Variants in GPRC5B observed in about 807,000 individuals in gnomAD.
GPRC5B encodes the protein G protein-coupled receptor class C group 5 member B.
GPRC5B carries 16 observed loss-of-function variants against 30.1 expected under a neutral mutation model. That is an observed-to-expected ratio of 0.53 (90% CI 0.36 to 0.81). GPRC5B has a LOEUF of 0.81. Ranked by LOEUF, GPRC5B falls within the 30% of genes least tolerant of loss-of-function variation. The probability of loss-of-function intolerance (pLI) is 0.01; values close to 1 mark genes in which losing one functional copy is unlikely to be tolerated. For synonymous variants in GPRC5B, 241 were observed against 239.5 expected, an observed-to-expected ratio of 1.01 and a Z score of -0.06; for missense variants, 428 against 544.7, an observed-to-expected ratio of 0.79 and a Z score of 2.13.
chr16:19,865,414 G>A (rs934288951), intron 2 of GPRC5B, among the ~76,000 whole-genome samples: 4 of 152,100 alleles, frequency 2.6e-5, no homozygotes, highest in Non-Finnish European at 4.4e-5. Flanking sequence ...GCCATCAAAA[G>A]GTTCTTGAAA....
chr16:19,859,220 G>C lies in GPRC5B; in HGVS notation c.*1280C>G, dbSNP rs1455235971. The C allele has an allele frequency of 1.3e-5, 2 of 152,610 alleles. No individual in the cohort carries two copies. The highest frequency in any genetic ancestry group is 4.8e-5 in the African/African-American group (2 of 41,420). The allele number at this position is 152,610 out of a possible 1,614,324, so 9.5% of individuals were successfully genotyped here. ...TTGAATCGATGCTAGAGGTTATGCT[G>C]GCCAAACAGTGCAGAGAACATGGGG... On this transcript the variant is annotated 3_prime_UTR_variant, in exon 4 of 4. Transcript: ENST00000300571.
chr16:19,858,200 A>C lies in GPRC5B; in HGVS notation c.*2300T>G. 1 of 308,518 alleles carries C rather than the reference A, an allele frequency of 3.2e-6. No individual in the cohort carries two copies. Among genetic ancestry groups the C allele is most frequent in the Admixed American group, 5.0e-5 (1 of 19,932 alleles). The allele number at this position is 308,518 out of a possible 1,614,324, so 19.1% of individuals were successfully genotyped here. A position where few individuals can be genotyped will look rare whatever the true frequency, so the allele number is the denominator to read the frequency against. ...CAGGTGTAGTCATTAGAAAAAGAAC[A>C]GCTCTCTCCCTTCTCCTCTCACTCC... On this transcript the variant is annotated 3_prime_UTR_variant, in exon 4 of 4. Transcript: ENST00000300571.
chr16:19,869,055 G>C (rs113829514), intron 2 of GPRC5B, among the ~76,000 whole-genome samples: 1 of 152,172 alleles, frequency 6.6e-6, no homozygotes, highest in Non-Finnish European at 1.5e-5. Flanking sequence ...GTGGCCGGGC[G>C]CAGTGGCTCA....
intron 2 of GPRC5B, among the ~76,000 whole-genome samples, chr16:19,870,882 T>A (rs1201367274): frequency 6.6e-6 from 1 of 152,084 alleles, no homozygotes; most frequent in Admixed American, 6.6e-5. Flanking sequence ...CATTGCAGCC[T>A]GGTGGAAATG....
chr16:19,879,041 C>T (rs1270052767), intron 1 of GPRC5B, among the ~76,000 whole-genome samples: 2 of 152,130 alleles, frequency 1.3e-5, no homozygotes, highest in Non-Finnish European at 2.9e-5. Flanking sequence ...CTTCACCTCC[C>T]CACCCCAGCC....
chr16:19,865,918 C>T (rs889449814), intron 2 of GPRC5B, among the ~76,000 whole-genome samples: 17 of 152,102 alleles, frequency 1.1e-4, no homozygotes, highest in African/African-American at 4.1e-4. Flanking sequence ...GTTGAGCAAG[C>T]ACTGTTTTTG....
chr16:19,868,086 A>C (rs1182785073), intron 2 of GPRC5B, among the ~76,000 whole-genome samples: 1 of 150,044 alleles, frequency 6.7e-6, no homozygotes, highest in African/African-American at 2.5e-5. Flanking sequence ...AACAAAACGA[A>C]AAAGGGGGCT....
chr16:19,879,206 C>T (rs1294815851), intron 1 of GPRC5B, among the ~76,000 whole-genome samples: 2 of 151,954 alleles, frequency 1.3e-5, no homozygotes, highest in African/African-American at 4.8e-5. Context: ...GGTTTCGAGT[C>T]AGCCTCGAGG....
At chr16:19,868,751 G>A (rs573413970) in intron 2 of GPRC5B, among the ~76,000 whole-genome samples, 1 of 152,348 alleles carries the variant, frequency 6.6e-6, no homozygotes, top group African/African-American at 2.4e-5. Context: ...TAGCGGAGAG[G>A]CCACTGGCGT....
chr16:19,880,804 A>C (rs2056801498), intron 1 of GPRC5B, among the ~76,000 whole-genome samples: 1 of 152,208 alleles, frequency 6.6e-6, no homozygotes, highest in Non-Finnish European at 1.5e-5. Context: ...ACTCACGGGA[A>C]AGGAGACATG....
At chr16:19,875,346 C>T (rs1160382110) in intron 1 of GPRC5B, among the ~76,000 whole-genome samples, 1 of 152,254 alleles carries the variant, frequency 6.6e-6, no homozygotes, top group Non-Finnish European at 1.5e-5. Context: ...GGTCCTGCCA[C>T]GTCGGTCACT....
At chr16:19,871,169 A>C (rs1376474974) in intron 2 of GPRC5B, among the ~76,000 whole-genome samples, 1 of 150,814 alleles carries the variant, frequency 6.6e-6, no homozygotes, top group Non-Finnish European at 1.5e-5. Context: ...ATGCAGTTCC[A>C]GCTACTCAGG....
chr16:19,871,984 C>T lies in GPRC5B; in HGVS notation c.862G>A (p.Ala288Thr), dbSNP rs200955705. Residue 288 changes from alanine to threonine, a missense_variant, in exon 2 of 4, where the codon GCC becomes ACC. Around this residue, in one of 3 missense-constraint regions of GPRC5B, gnomAD observed 213 missense variants for 229.1 expected, o/e 0.93. Transcript: ENST00000300571. ...ASGWVFVIFH[A>T]IPEIHCTLLP... ...AGGGTGCAGTGGATCTCAGGGATGG[C>T]GTGGAAGATGACGAAGACCCAGCCG... 26 of 1,614,034 alleles carry T rather than the reference C, an allele frequency of 1.6e-5. No individual in the cohort carries two copies. The highest frequency in any genetic ancestry group is 1.9e-5 in the Non-Finnish European group (23 of 1,180,010).
At chr16:19,879,915 G>A (rs1411442012) in intron 1 of GPRC5B, among the ~76,000 whole-genome samples, 1 of 152,028 alleles carries the variant, frequency 6.6e-6, no homozygotes. Context: ...CAGGCAAATC[G>A]CTTGAGCCCA....
intron 2 of GPRC5B, among the ~76,000 whole-genome samples, chr16:19,863,628 A>C (rs923613575): frequency 6.6e-6 from 1 of 151,388 alleles, no homozygotes; most frequent in Admixed American, 6.6e-5. Flanking sequence ...CTCCTGAGTA[A>C]AGTAGCTAGG....
Sources: gnomAD v4.1 joint callset for allele counts (sites outside exome capture counted in the v4.1 genomes callset) on GRCh38, gnomAD v4.1.1 for gene constraint, gnomAD v4.1.1 regional missense constraint, MANE v1.5 for transcripts, NCBI Gene and HGNC (gene_info 2026-07-23, HGNC 2026-07-21) for gene names.